The following SLFN13 variants were observed in gnomAD, a reference collection of about 807,000 sequenced individuals.
SLFN13 encodes schlafen-13.
A neutral mutation model predicts 50.6 loss-of-function variants in SLFN13; 43 were observed. The observed-to-expected ratio is 0.85, with a 90% CI of 0.67 to 1.09. The LOEUF (loss-of-function observed/expected upper bound fraction) is 1.09, where lower values mean the gene tolerates loss of function less well. Among genes scored for constraint, SLFN13 ranks in the 50% least tolerant of loss-of-function variants. The pLI is 0.00. For synonymous variants in SLFN13, 339 were observed against 386.5 expected (o/e 0.88, Z 1.44); for missense variants, 881 against 1,071.1 (o/e 0.82, Z 2.48).
At position 35,441,346 on chromosome 17, in the gene SLFN13, G is replaced by T; in HGVS notation, c.1943C>A (p.Ala648Glu). 2 of 1,605,970 alleles carry T rather than the reference G, an allele frequency of 1.2e-6. No homozygotes were observed. Among genetic ancestry groups the T allele is most frequent in the Non-Finnish European group, 1.7e-6 (2 of 1,177,476 alleles). Residue 648 changes from alanine to glutamate, a missense_variant, in exon 6 of 6, where the codon GCA becomes GAA. Ala to Glu is a moderately radical substitution (Grantham distance 107). Coordinates refer to ENST00000285013, the MANE Select transcript of SLFN13 (RefSeq NM_144682.6). The stretch of plus-strand genomic sequence containing the variant: ...TCTTAGGAAAGTTTCCCGGGTCTCT[G>T]CTCGGCAGATATTTCTATCACTGTA... ...NFISDRNICR[A>E]ETRETFLREK...
intron 1 of SLFN13, chr17:35,448,299 C>T (rs1597812757): frequency 6.6e-6 from 1 of 152,330 alleles, no homozygotes; most frequent in Non-Finnish European, 1.5e-5. Context: ...GCCTCCAGGA[C>T]GCACTTGGCT....
intron 1 of SLFN13, chr17:35,448,359 C>G (rs1328121258): frequency 6.6e-6 from 1 of 152,262 alleles, no homozygotes; most frequent in Admixed American, 6.5e-5. Context: ...TGGGCAGGGG[C>G]TTTCTGTTTT....
intron 3 of SLFN13, 66 bp from the exon 4 acceptor site, chr17:35,443,986 C>T: frequency 6.6e-7 from 1 of 1,504,422 alleles, no homozygotes; most frequent in Admixed American, 1.9e-5. Flanking sequence ...ATAGGCTGTA[C>T]AAGGCTGTGT....
At position 35,435,360 on chromosome 17, in the gene SLFN13, GCTCCAGTGATC is replaced by G. The variant is rs1912620558; in HGVS notation, c.*5224_*5234del. On this transcript the variant is annotated 3_prime_UTR_variant, in exon 6 of 6. Coordinates refer to ENST00000285013, the MANE Select transcript of SLFN13 (RefSeq NM_144682.6). ...GCCCACTGCAGCCTTCACCTCCTGG[GCTCCAGTGATC>G]CTCTCACCTCAGCCTCCCAGTAGCT... The G allele has an allele frequency of 6.6e-6, 1 of 152,018 alleles. No individual in the cohort carries two copies. The highest frequency in any genetic ancestry group is 1.5e-5 in the Non-Finnish European group (1 of 68,032). 9.4% of individuals were successfully genotyped at this position (152,018 alleles called of 1,614,324 possible). A position where few individuals can be genotyped will look rare whatever the true frequency, so the allele number is the denominator to read the frequency against.
At chr17:35,449,042 T>G (rs1031497350), upstream of SLFN13, among the ~76,000 whole-genome samples, 3 of 78,182 alleles carry the variant, frequency 3.8e-5, no homozygotes, top group African/African-American at 1.1e-4. Context: ...GACCCCCGTC[T>G]GTACAACAAC....
Position 35,447,318 on chromosome 17 carries a change from T to G in SLFN13, c.-64A>C, listed in dbSNP as rs1913262210. On this transcript the variant is annotated 5_prime_UTR_variant, in exon 2 of 6. Coordinates refer to ENST00000285013, the MANE Select transcript of SLFN13 (RefSeq NM_144682.6). ...TTCTGTTGTATTTACAGAATAACTT[T>G]GCTAGAATTCCTTTCTTAATGTAAC... 1 of 152,218 alleles carries G rather than the reference T, an allele frequency of 6.6e-6. No individual in the cohort carries two copies. The allele number at this position is 152,218 out of a possible 1,614,324, so 9.4% of individuals were successfully genotyped here. A position where few individuals can be genotyped will look rare whatever the true frequency, so the allele number is the denominator to read the frequency against.
chr17:35,445,102 GA>G lies in SLFN13; in HGVS notation c.578del (p.Phe193SerfsTer20). ...ISESNPAYEV[F>X]QTDTIEYGEI... The stretch of plus-strand genomic sequence containing the variant: ...CACCATATTCAATAGTGTCAGTTTG[GA>G]AAACTTCATATGCAGGATTTGACTC... On this transcript the variant is annotated frameshift_variant, in exon 3 of 6. Transcript: ENST00000285013. LOFTEE classifies it high-confidence loss of function. The G allele has an allele frequency of 6.2e-7, 1 of 1,613,706 alleles. No individual in the cohort carries two copies. The highest frequency in any genetic ancestry group is 8.5e-7 in the Non-Finnish European group (1 of 1,180,010).
chr17:35,445,265 C>A lies in SLFN13; in HGVS notation c.416G>T (p.Gly139Val). ...TGAATTCATGTGAAGCACAGAGGTG[C>A]CAGATCTACAGTATAATGAAGAACT... is the stretch of plus-strand genomic sequence containing the variant. The part of the protein sequence containing the change: ...SLSSSLYCRS[G>V]TSVLHMNSRQ... Residue 139 changes from glycine to valine, a missense_variant, in exon 3 of 6, where the codon GGC (glycine) becomes GTC (valine). Around this residue, in one of 5 missense-constraint regions of SLFN13, gnomAD observed 497 missense variants for 518.3 expected, o/e 0.96. Coordinates refer to ENST00000285013, the MANE Select transcript of SLFN13 (RefSeq NM_144682.6). 1 of 1,613,908 alleles carries A rather than the reference C, an allele frequency of 6.2e-7. No individual in the cohort carries two copies. Among genetic ancestry groups the A allele is most frequent in the South Asian group, 1.1e-5 (1 of 91,068 alleles).
chr17:35,447,503 T>A (rs1913274516), intron 1 of SLFN13, 89 bp from the exon 2 acceptor site: 1 of 152,162 alleles, frequency 6.6e-6, no homozygotes, highest in Non-Finnish European at 1.5e-5. Flanking sequence ...TGCATGGGAA[T>A]AATTAGAGAT....
Position 35,440,532 on chromosome 17 carries a change from G to A in SLFN13, c.*63C>T. 1 of 1,556,832 alleles carries A rather than the reference G, an allele frequency of 6.4e-7. No individual in the cohort carries two copies. The highest frequency in any genetic ancestry group is 2.2e-5 in the East Asian group (1 of 44,476). ...CTAAAAAGAAAGGTTTCTACCATCA[G>A]CAGACTGTCACCCATAGACATTTAC... is the stretch of plus-strand genomic sequence containing the variant. On this transcript the variant is annotated 3_prime_UTR_variant, in exon 6 of 6. Coordinates refer to ENST00000285013, the MANE Select transcript of SLFN13 (RefSeq NM_144682.6).
chr17:35,444,625 G>A lies in SLFN13; in HGVS notation c.1056C>T (p.Asp352=), dbSNP rs760669215. 31 of 1,613,548 alleles carry A rather than the reference G, an allele frequency of 1.9e-5. No homozygotes were observed. In the Middle Eastern group the frequency reaches 1.3e-3, roughly 68 times the overall value. ...TTEEWVEKMM[D]ADPEFPPDFA... Reference sequence around the variant, plus strand: ...CTGGTTCCCTCTTACCTGGATCTGCGTCCATCATTTTCTCTACCCATTCCT... The same window carrying A: ...CTGGTTCCCTCTTACCTGGATCTGCATCCATCATTTTCTCTACCCATTCCT... The change falls in exon 3 of 6, where the codon GAC becomes GAT. Residue 352 remains aspartate (D), a synonymous_variant. Transcript: ENST00000285013.
rs1265596725 is a variant in SLFN13, at chr17:35,442,284, G to T, written c.1201C>A (p.Pro401Thr). 1.3e-6 allele frequency: 2 copies of T among 1,564,000 alleles called. No homozygotes were observed. Among genetic ancestry groups the T allele is most frequent in the South Asian group, 1.2e-5 (1 of 83,614 alleles). The change falls in exon 5 of 6, where the codon CCA becomes ACA. Residue 401 changes from proline (P) to threonine (T), a missense_variant and splice_region_variant. By Grantham distance (38) the Pro-to-Thr change is conservative. Coordinates refer to ENST00000285013, the MANE Select transcript of SLFN13 (RefSeq NM_144682.6). ...GGAGTACATTCCAAATGTCCTGGTG[G>T]AACTAGACAGGAAGAAAATAGAAAG... ...ADLQQHLFPV[P>T]PGHLECTPES...
Position 35,436,942 on chromosome 17 carries a change from G to T in SLFN13, c.*3653C>A, listed in dbSNP as rs1912660762. The T allele has an allele frequency of 6.6e-6, 1 of 152,074 alleles. No homozygotes were observed. Among genetic ancestry groups the T allele is most frequent in the African/African-American group, 2.4e-5 (1 of 41,426 alleles). 9.4% of individuals were successfully genotyped at this position (152,074 alleles called of 1,614,324 possible). A position where few individuals can be genotyped will look rare whatever the true frequency, so the allele number is the denominator to read the frequency against. Reference sequence around the variant, plus strand: ...CTGATATAATTCAATAAAGTCTACAGATTAGATAATAGTATCAGGGTTAAT... The same window carrying T: ...CTGATATAATTCAATAAAGTCTACATATTAGATAATAGTATCAGGGTTAAT... On this transcript the variant is annotated 3_prime_UTR_variant, in exon 6 of 6. Transcript: ENST00000285013.
intron 1 of SLFN13, among the ~76,000 whole-genome samples, chr17:35,448,007 C>G (rs1326117613): frequency 6.6e-6 from 1 of 150,850 alleles, no homozygotes; most frequent in Admixed American, 6.6e-5. Context: ...CAGGTGCGCG[C>G]CACCAGGCCC....
intron 1 of SLFN13, among the ~76,000 whole-genome samples, 198 bp downstream of exon 1, chr17:35,448,524 C>A (rs778387641): frequency 1.3e-5 from 2 of 152,260 alleles, no homozygotes; most frequent in Non-Finnish European, 1.5e-5. Context: ...AGCAAACTAG[C>A]CGAACCCCAA....
rs976681614 is a variant in SLFN13, at chr17:35,435,162, A to G, written c.*5433T>C. On this transcript the variant is annotated 3_prime_UTR_variant, in exon 6 of 6. Coordinates refer to ENST00000285013, the MANE Select transcript of SLFN13 (RefSeq NM_144682.6). Reference sequence around the variant, plus strand: ...AATATTTATAGAATACATATAAGGTATAAAGAACAAAAGTATGAACATCTG... The same window carrying G: ...AATATTTATAGAATACATATAAGGTGTAAAGAACAAAAGTATGAACATCTG... 3.9e-5 allele frequency: 6 copies of G among 152,184 alleles called. No homozygotes were observed. Among genetic ancestry groups the G allele is most frequent in the Non-Finnish European group, 8.8e-5 (6 of 68,050 alleles). 9.4% of individuals were successfully genotyped at this position (152,184 alleles called of 1,614,324 possible). A position where few individuals can be genotyped will look rare whatever the true frequency, so the allele number is the denominator to read the frequency against.
chr17:35,449,071 AAC>A (rs869212072), upstream of SLFN13, among the ~76,000 whole-genome samples: 1 of 151,638 alleles, frequency 6.6e-6, no homozygotes, highest in East Asian at 1.9e-4. Flanking sequence ...CAACAACAAC[AAC>A]AAAATTACTC....
In SLFN13 at chr17:35,437,864, A is replaced by G. The variant is rs1466406878; in HGVS notation, c.*2731T>C. 6.6e-6 allele frequency: 1 copy of G among 152,202 alleles called. No homozygotes were observed. Among genetic ancestry groups the G allele is most frequent in the Non-Finnish European group, 1.5e-5 (1 of 68,048 alleles). The allele number at this position is 152,202 out of a possible 1,614,324, so 9.4% of individuals were successfully genotyped here. A position where few individuals can be genotyped will look rare whatever the true frequency, so the allele number is the denominator to read the frequency against. ...TTCAAAACATTTTGTTTCATTTTAC[A>G]ATGGCTGGATAGATTTTCAGATCTT... On this transcript the variant is annotated 3_prime_UTR_variant, in exon 6 of 6. Transcript: ENST00000285013.
In SLFN13 at chr17:35,440,944, T is replaced by C. The variant is rs748247769; in HGVS notation, c.2345A>G (p.Asn782Ser). 6.2e-7 allele frequency: 1 copy of C among 1,613,606 alleles called. No individual in the cohort carries two copies. The highest frequency in any genetic ancestry group is 8.5e-7 in the Non-Finnish European group (1 of 1,180,016). Residue 782 changes from asparagine (N) to serine (S), a missense_variant, in exon 6 of 6, where the codon AAC becomes AGC. By Grantham distance (46) the Asn-to-Ser change is conservative. Coordinates refer to ENST00000285013, the MANE Select transcript of SLFN13 (RefSeq NM_144682.6). ...GVPGNTKIIK[N>S]FTLEQIVTYV... The stretch of plus-strand genomic sequence containing the variant: ...GGTCACTATTTGCTCCAAAGTAAAG[T>C]TTTTAATAATCTTTGTGTTGCCTGG...
Sources: allele counts gnomAD v4.1 joint callset (sites outside exome capture counted in the v4.1 genomes callset), GRCh38; gene constraint gnomAD v4.1.1; regional missense constraint gnomAD v4.1.1; transcripts MANE v1.5; gene names NCBI Gene and HGNC (gene_info 2026-07-23, HGNC 2026-07-21).